RORA: variants seen among roughly 807,000 people sequenced by gnomAD.
The protein encoded by RORA is nuclear receptor ROR-alpha.
Under a neutral mutation model 69.5 loss-of-function variants are expected in RORA, and 7 were observed. The observed-to-expected ratio is 0.10, with a 90% confidence interval of 0.06 to 0.19. RORA has a LOEUF of 0.19. RORA is among the 10% of genes least tolerant of loss of function. The probability of loss-of-function intolerance (pLI) is 1.00; values close to 1 mark genes in which losing one functional copy is unlikely to be tolerated. For missense variants in RORA, 457 were observed against 663.0 expected (o/e 0.69, Z 3.41); for synonymous variants, 261 against 240.8 (o/e 1.08, Z -0.78).
chr15:60,684,207 C>T (rs562727367), intron 1 of RORA, among the ~76,000 whole-genome samples: 7 of 152,100 alleles, frequency 4.6e-5, no homozygotes, highest in Admixed American at 6.5e-5. Flanking sequence ...CTTGATGCCA[C>T]TCTGCCACTT....
chr15:61,026,010 C>T (rs549655430), intron 1 of RORA, among the ~76,000 whole-genome samples: 2 of 152,196 alleles, frequency 1.3e-5, no homozygotes, highest in South Asian at 2.1e-4. Context: ...AAAAATAATA[C>T]GTACACAGAG....
chr15:61,202,550 A>G (rs1297841998), intron 1 of RORA, among the ~76,000 whole-genome samples: 1 of 152,148 alleles, frequency 6.6e-6, no homozygotes, highest in East Asian at 1.9e-4. Flanking sequence ...TCATCTACAC[A>G]TACCCTAGGA....
intron 2 of RORA, among the ~76,000 whole-genome samples, chr15:60,615,551 G>A (rs961666945): frequency 6.6e-6 from 1 of 152,150 alleles, no homozygotes; most frequent in Non-Finnish European, 1.5e-5. Context: ...TGGGATTTGC[G>A]TTTACCCAGC....
At chr15:60,751,085 G>A (rs781615130) in intron 1 of RORA, among the ~76,000 whole-genome samples, 1 of 152,180 alleles carries the variant, frequency 6.6e-6, no homozygotes. Flanking sequence ...GAGGGCCTGG[G>A]AGACCAGGAG....
At chr15:61,086,630 G>T (rs1164283119) in intron 1 of RORA, among the ~76,000 whole-genome samples, 2 of 151,856 alleles carry the variant, frequency 1.3e-5, no homozygotes, top group African/African-American at 4.8e-5. Context: ...CCGCTTTAGA[G>T]ATTGCCAAAT....
intron 2 of RORA, among the ~76,000 whole-genome samples, chr15:60,620,309 C>T (rs966654933): frequency 1.3e-5 from 2 of 152,208 alleles, no homozygotes; most frequent in Non-Finnish European, 2.9e-5. Flanking sequence ...ACAGGGACCA[C>T]ATCTCATCCC....
chr15:61,096,865 C>T (rs2078798401), intron 1 of RORA, among the ~76,000 whole-genome samples: 1 of 152,214 alleles, frequency 6.6e-6, no homozygotes. Flanking sequence ...CTCTCTGGTG[C>T]AGCGCTTTGG....
At chr15:60,741,459 T>C (rs1049712953) in intron 1 of RORA, among the ~76,000 whole-genome samples, 1 of 152,212 alleles carries the variant, frequency 6.6e-6, no homozygotes, top group Non-Finnish European at 1.5e-5. Flanking sequence ...GAAAGTGAGA[T>C]GGGTCTATGC....
chr15:61,133,610 C>A (rs530663736), intron 1 of RORA, among the ~76,000 whole-genome samples: 3 of 152,228 alleles, frequency 2.0e-5, no homozygotes, highest in African/African-American at 7.2e-5. Flanking sequence ...CCAAGGAGGG[C>A]CCAGACAGAC....
chr15:60,504,116 G>A (rs1160386173), intron 6 of RORA, among the ~76,000 whole-genome samples: 1 of 152,098 alleles, frequency 6.6e-6, no homozygotes, highest in East Asian at 1.9e-4. Context: ...CTTCTTTTAA[G>A]TAATTATTTT....
chr15:61,215,287 A>G (rs2080030678), intron 1 of RORA, among the ~76,000 whole-genome samples: 1 of 152,122 alleles, frequency 6.6e-6, no homozygotes, highest in South Asian at 2.1e-4. Flanking sequence ...GACTTAAGGC[A>G]TAGAAATGTG....
intron 1 of RORA, among the ~76,000 whole-genome samples, chr15:61,019,269 A>G (rs1361526259): frequency 6.6e-6 from 1 of 152,106 alleles, no homozygotes; most frequent in African/African-American, 2.4e-5. Context: ...TGATAACCCC[A>G]TTTGTTCTCA....
At chr15:61,005,637 A>G (rs1894888057) in intron 1 of RORA, among the ~76,000 whole-genome samples, 1 of 152,210 alleles carries the variant, frequency 6.6e-6, no homozygotes, top group Non-Finnish European at 1.5e-5. Context: ...TATTATCCAT[A>G]TCCATACAAT....
At chr15:60,912,682 C>T (rs915933177) in intron 1 of RORA, among the ~76,000 whole-genome samples, 35 of 152,164 alleles carry the variant, frequency 2.3e-4, no homozygotes, top group South Asian at 4.1e-4. Context: ...GGAACCCGGG[C>T]GGCGGAGCTT....
intron 1 of RORA, among the ~76,000 whole-genome samples, chr15:60,900,764 C>G (rs935289164): frequency 6.6e-6 from 1 of 151,842 alleles, no homozygotes; most frequent in African/African-American, 2.4e-5. Flanking sequence ...CCCAGCTACT[C>G]GGGAGGCTGA....
chr15:60,770,158 T>G (rs2072052049), intron 1 of RORA, among the ~76,000 whole-genome samples: 1 of 152,214 alleles, frequency 6.6e-6, no homozygotes, highest in African/African-American at 2.4e-5. Flanking sequence ...GGGCTTTTTG[T>G]TTCTGAATGC....
At chr15:60,608,919 C>T (rs2069015728) in intron 2 of RORA, among the ~76,000 whole-genome samples, 2 of 152,172 alleles carry the variant, frequency 1.3e-5, no homozygotes, top group African/African-American at 4.8e-5. Context: ...TTTACAGTCT[C>T]TGGTCCTTTC....
At position 60,531,697 on chromosome 15, in the gene RORA, A is replaced by C. The variant is rs76532214; in HGVS notation, c.282+69T>G. On this transcript the variant is annotated intron_variant, in intron 3 of 10. Coordinates refer to ENST00000335670, the MANE Select transcript of RORA (RefSeq NM_134261.3). The surrounding 1 kb of genome is among the most constrained non-coding windows in gnomAD (Gnocchi z 4.8). ...GAGTTGAATTTTAAGACATAAGTGG[A>C]GACATACAAATCACAAAGATATATT... 17,223 of 802,768 alleles carry C rather than the reference A, an allele frequency of 0.021. 878 individuals carry two copies. Among genetic ancestry groups the C allele is most frequent in the African/African-American group, 0.17 (9,138 of 55,042 alleles). 49.7% of individuals were successfully genotyped at this position (802,768 alleles called of 1,614,324 possible). A position where few individuals can be genotyped will look rare whatever the true frequency, so the allele number is the denominator to read the frequency against.
intron 2 of RORA, among the ~76,000 whole-genome samples, chr15:60,597,553 T>C (rs1318284471): frequency 0.032 from 727 of 22,668 alleles, 7 homozygotes; most frequent in East Asian, 0.055. Context: ...ACACACAACA[T>C]ATATATATAT....
Sources: gnomAD v4.1 joint callset for allele counts (sites outside exome capture counted in the v4.1 genomes callset) on GRCh38, gnomAD v4.1.1 for gene constraint, Gnocchi (gnomAD v3.1) non-coding constraint, MANE v1.5 for transcripts, NCBI Gene and HGNC (gene_info 2026-07-23, HGNC 2026-07-21) for gene names.